SPHK1: variants seen among roughly 807,000 people sequenced by gnomAD.
SPHK1 encodes sphingosine kinase 1, also known as SK 1.
In SPHK1, 10 loss-of-function variants were observed where a neutral mutation model predicts 14.6. That is an observed-to-expected ratio of 0.68 (90% CI 0.42 to 1.16). SPHK1 has a LOEUF of 1.16. SPHK1 is among the 50% of genes most tolerant of loss of function. The probability of loss-of-function intolerance (pLI) is 0.00; values close to 1 mark genes in which losing one functional copy is unlikely to be tolerated. For missense variants in SPHK1, 553 were observed against 525.4 expected (o/e 1.05, Z -0.51); for synonymous variants, 274 against 224.0 (o/e 1.22, Z -1.99).
rs776802126 is a variant in SPHK1 at position 76,385,415 on chromosome 17, C to T, written c.-194-36C>T. The T allele has an allele frequency of 6.7e-7, 1 of 1,486,452 alleles. No individual in the cohort carries two copies. The highest frequency in any genetic ancestry group is 8.9e-7 in the Non-Finnish European group (1 of 1,121,938). The allele number at this position is 1,486,452 out of a possible 1,614,324, so 92.1% of individuals were successfully genotyped here. ...CGCTCCCCACCTCTGGCAGCTGCGG[C>T]CCCGGACTCCGCCAGCGCTGTCTTC... On this transcript the variant is annotated intron_variant, in intron 1 of 5. Transcript: ENST00000592299. This position sits in a 1 kb window ranked among gnomAD's most constrained non-coding sequence, Gnocchi z 5.3.
chr17:76,385,481 C>G lies in SPHK1; in HGVS notation c.-164C>G, dbSNP rs201987985. Reference sequence around the variant, plus strand: ...GCCGCCGCAGGGAATGACGCCGGTGCTCCTGCAGCCACGGCTCCGGGCGGG... The same window carrying G: ...GCCGCCGCAGGGAATGACGCCGGTGGTCCTGCAGCCACGGCTCCGGGCGGG... On this transcript the variant is annotated 5_prime_UTR_variant, in exon 2 of 6. Transcript: ENST00000592299. The surrounding 1 kb of genome is among the most constrained non-coding windows in gnomAD (Gnocchi z 5.3). 1.9e-6 allele frequency: 3 copies of G among 1,560,368 alleles called. No individual in the cohort carries two copies. Among genetic ancestry groups the G allele is most frequent in the Non-Finnish European group, 2.6e-6 (3 of 1,161,058 alleles).
In SPHK1 at chr17:76,387,130, G is replaced by A. The variant is rs971298908; in HGVS notation, c.699G>A (p.Pro233=). Residue 233 remains proline, a synonymous_variant, in exon 6 of 6, where the codon CCG becomes CCA. Transcript: ENST00000592299. The surrounding 1 kb of genome is among the most constrained non-coding windows in gnomAD (Gnocchi z 4.1). ...CCCCCGTTGTGGTCCAGCAGGGCCC[G>A]GTAGATGCACACCTTGTGCCACTGG... ...PASPVVVQQG[P]VDAHLVPLEE... is the part of the protein sequence containing the mutation. The A allele has an allele frequency of 2.1e-5, 34 of 1,613,036 alleles. No individual in the cohort carries two copies. The highest frequency in any genetic ancestry group is 2.7e-5 in the Non-Finnish European group (32 of 1,180,020).
At position 76,385,320 on chromosome 17, in the gene SPHK1, C is replaced by T. The variant is rs1372122740; in HGVS notation, c.-194-131C>T. The T allele has an allele frequency of 1.4e-6, 2 of 1,454,140 alleles. No individual in the cohort carries two copies. The highest frequency in any genetic ancestry group is 1.8e-6 in the Non-Finnish European group (2 of 1,104,374). The allele number at this position is 1,454,140 out of a possible 1,614,324, so 90.1% of individuals were successfully genotyped here. ...CACACGGCGGGGGCGCCCTCGGAGG[C>T]ACCGGACCTCAGCTCTCTGGACTTC... On this transcript the variant is annotated intron_variant, in intron 1 of 5. Transcript: ENST00000592299. This position sits in a 1 kb window ranked among gnomAD's most constrained non-coding sequence, Gnocchi z 5.3.
In SPHK1 at chr17:76,387,349, GGA is replaced by G; in HGVS notation, c.921_922del (p.Lys308GlyfsTer7). On this transcript the variant is annotated frameshift_variant, in exon 6 of 6. Coordinates refer to ENST00000592299, the MANE Select transcript of SPHK1 (RefSeq NM_001142601.2). LOFTEE classifies it low-confidence loss of function (END_TRUNC). The surrounding 1 kb of genome is among the most constrained non-coding windows in gnomAD (Gnocchi z 4.1). The part of the protein sequence containing the change: ...AMLLRLFLAM[E>X]KGRHMEYECP... ...TGCTGCTGCGCCTCTTCCTGGCCAT[GGA>G]GAAGGGCAGGCATATGGAGTATGAA... 1.2e-6 allele frequency: 2 copies of G among 1,613,890 alleles called. No homozygotes were observed. The highest frequency in any genetic ancestry group is 1.7e-6 in the Non-Finnish European group (2 of 1,180,024).
chr17:76,384,015 T>G, upstream of SPHK1: 1 of 461,226 alleles, frequency 2.2e-6, no homozygotes, highest in Non-Finnish European at 3.3e-6. Context: ...AAAAATAACC[T>G]CCGTGGGAGC....
upstream of SPHK1, chr17:76,384,412 G>A (rs1238270985): frequency 6.6e-6 from 1 of 150,526 alleles, no homozygotes; most frequent in African/African-American, 2.4e-5. Context: ...CTTCTAGCCA[G>A]ACGCCTAGGA....
In SPHK1 at chr17:76,385,882, C is replaced by G; in HGVS notation, c.11-103C>G. On this transcript the variant is annotated intron_variant, in intron 2 of 5. Transcript: ENST00000592299. This position sits in a 1 kb window ranked among gnomAD's most constrained non-coding sequence, Gnocchi z 5.3. ...CGCTCCTCTGGCCAGGGTCAATTAC[C>G]GGGGTGTTTCGGGCACCAAGTTCCC... 1 of 1,489,066 alleles carries G rather than the reference C, an allele frequency of 6.7e-7. No homozygotes were observed. Among genetic ancestry groups the G allele is most frequent in the Non-Finnish European group, 9.0e-7 (1 of 1,114,536 alleles). 92.2% of individuals were successfully genotyped at this position (1,489,066 alleles called of 1,614,324 possible). A position where few individuals can be genotyped will look rare whatever the true frequency, so the allele number is the denominator to read the frequency against.
In SPHK1 at chr17:76,385,040, G is replaced by C; in HGVS notation, c.-195+234G>C. 1.3e-6 allele frequency: 2 copies of C among 1,523,748 alleles called. No homozygotes were observed. The highest frequency in any genetic ancestry group is 1.8e-6 in the Non-Finnish European group (2 of 1,130,380). The allele number at this position is 1,523,748 out of a possible 1,614,324, so 94.4% of individuals were successfully genotyped here. A position where few individuals can be genotyped will look rare whatever the true frequency, so the allele number is the denominator to read the frequency against. ...GCGGCTCCCACCGCTCTGGAGCTCC[G>C]GGCAGGGGACACGGCAACCTGGATG... On this transcript the variant is annotated intron_variant, in intron 1 of 5. Transcript: ENST00000592299. This position sits in a 1 kb window ranked among gnomAD's most constrained non-coding sequence, Gnocchi z 5.3.
In SPHK1 at chr17:76,387,303, G is replaced by A. The variant is rs200406718; in HGVS notation, c.872G>A (p.Arg291Gln). 5.4e-5 allele frequency: 87 copies of A among 1,613,476 alleles called. No individual in the cohort carries two copies. The highest frequency in any genetic ancestry group is 6.9e-5 in the Non-Finnish European group (81 of 1,179,982). ...GGCGTCATGCATCTGTTCTACGTGCGGGCGGGAGTGTCTCGTGCCATGCTG... is the reference window on the plus strand; with the variant it reads ...GGCGTCATGCATCTGTTCTACGTGCAGGCGGGAGTGTCTCGTGCCATGCTG... ...AAGVMHLFYV[R>Q]AGVSRAMLLR... is the part of the protein sequence containing the mutation. Residue 291 changes from arginine (R) to glutamine (Q), a missense_variant, in exon 6 of 6, where the codon CGG becomes CAG. By Grantham distance (43) the Arg-to-Gln change is conservative (BLOSUM62 1). Coordinates refer to ENST00000592299, the MANE Select transcript of SPHK1 (RefSeq NM_001142601.2). This position sits in a 1 kb window ranked among gnomAD's most constrained non-coding sequence, Gnocchi z 4.1.
At chr17:76,383,763 G>T, upstream of SPHK1, 1 of 1,085,148 alleles carries the variant, frequency 9.2e-7, no homozygotes, top group Non-Finnish European at 1.2e-6. Flanking sequence ...CGTCCCTACT[G>T]GCCTCCAAAG....
At chr17:76,387,850 TTCCCAGCCTGCTC>T in exon 6 of SPHK1, 1 of 434,510 alleles carries the variant, frequency 2.3e-6, no homozygotes, top group Non-Finnish European at 4.1e-6. The surrounding 1 kb of genome is among the most constrained non-coding windows in gnomAD (Gnocchi z 4.1). Context: ...TAAAGTGACA[TTCCCAGCCTGCTC>T]GTCCTGTCCT....
Position 76,387,039 on chromosome 17 carries a change from T to C in SPHK1, c.608T>C (p.Leu203Pro). ...GGCACCTTCCTGCGTCTGGCAGCCC[T>C]GCGCACCTACCGCGGCCGACTGGCC... ...TLGTFLRLAA[L>P]RTYRGRLAYL... The change falls in exon 6 of 6, where the codon CTG becomes CCG. Residue 203 changes from leucine (L) to proline (P), a missense_variant. Coordinates refer to ENST00000592299, the MANE Select transcript of SPHK1 (RefSeq NM_001142601.2). This position sits in a 1 kb window ranked among gnomAD's most constrained non-coding sequence, Gnocchi z 4.1. 2.5e-6 allele frequency: 4 copies of C among 1,613,618 alleles called. No homozygotes were observed. The highest frequency in any genetic ancestry group is 3.4e-6 in the Non-Finnish European group (4 of 1,180,028).
upstream of SPHK1, chr17:76,383,974 C>G: frequency 1.2e-6 from 1 of 838,370 alleles, no homozygotes; most frequent in Non-Finnish European, 1.5e-6. Flanking sequence ...CGGCCTCAGG[C>G]TCGGTAGCCC....
In SPHK1 at chr17:76,387,132, T is replaced by C. The variant is rs775476647; in HGVS notation, c.701T>C (p.Val234Ala). The C allele has an allele frequency of 6.2e-7, 1 of 1,613,168 alleles. No homozygotes were observed. The stretch of plus-strand genomic sequence containing the variant: ...CCCGTTGTGGTCCAGCAGGGCCCGG[T>C]AGATGCACACCTTGTGCCACTGGAG... Reference protein sequence around the residue: ...ASPVVVQQGPVDAHLVPLEEP... With the variant: ...ASPVVVQQGPADAHLVPLEEP... The change falls in exon 6 of 6, where the codon GTA (valine) becomes GCA (alanine). Residue 234 changes from valine to alanine, a missense_variant. Transcript: ENST00000592299. The surrounding 1 kb of genome is among the most constrained non-coding windows in gnomAD (Gnocchi z 4.1).
At position 76,387,281 on chromosome 17, in the gene SPHK1, G is replaced by A. The variant is rs372227016; in HGVS notation, c.850G>A (p.Val284Ile). Reference sequence around the variant, plus strand: ...ACCCATGGGCCGCTGTGCAGCTGGCGTCATGCATCTGTTCTACGTGCGGGC... The same window carrying A: ...ACCCATGGGCCGCTGTGCAGCTGGCATCATGCATCTGTTCTACGTGCGGGC... The part of the protein sequence containing the change: ...AAPMGRCAAG[V>I]MHLFYVRAGV... The change falls in exon 6 of 6, where the codon GTC (valine) becomes ATC (isoleucine). Residue 284 changes from valine (V) to isoleucine (I), a missense_variant. By Grantham distance (29) the Val-to-Ile change is conservative. Coordinates refer to ENST00000592299, the MANE Select transcript of SPHK1 (RefSeq NM_001142601.2). The surrounding 1 kb of genome is among the most constrained non-coding windows in gnomAD (Gnocchi z 4.1). The A allele has an allele frequency of 1.1e-5, 18 of 1,613,382 alleles. No individual in the cohort carries two copies. Among genetic ancestry groups the A allele is most frequent in the South Asian group, 3.3e-5 (3 of 91,080 alleles).
chr17:76,387,352 G>A lies in SPHK1; in HGVS notation c.921G>A (p.Glu307=), dbSNP rs764087649. 3.1e-6 allele frequency: 5 copies of A among 1,613,900 alleles called. No homozygotes were observed. The highest frequency in any genetic ancestry group is 4.2e-6 in the Non-Finnish European group (5 of 1,180,020). The stretch of plus-strand genomic sequence containing the variant: ...TGCTGCGCCTCTTCCTGGCCATGGA[G>A]AAGGGCAGGCATATGGAGTATGAAT... The part of the protein sequence containing the change: ...AMLLRLFLAM[E]KGRHMEYECP... Residue 307 remains glutamate, a synonymous_variant, in exon 6 of 6, where the codon GAG becomes GAA. Coordinates refer to ENST00000592299, the MANE Select transcript of SPHK1 (RefSeq NM_001142601.2). The surrounding 1 kb of genome is among the most constrained non-coding windows in gnomAD (Gnocchi z 4.1).
At position 76,385,568 on chromosome 17, in the gene SPHK1, AG is replaced by A; in HGVS notation, c.-75del. On this transcript the variant is annotated 5_prime_UTR_variant, in exon 2 of 6. Transcript: ENST00000592299. This position sits in a 1 kb window ranked among gnomAD's most constrained non-coding sequence, Gnocchi z 5.3. ...CTGGGCAGCACCGATAAGGAGCTGAAGGCAGGAGCCGCCGCCACGGGCAGCG... is the reference window on the plus strand; with the variant it reads ...CTGGGCAGCACCGATAAGGAGCTGAAGCAGGAGCCGCCGCCACGGGCAGCG... The A allele has an allele frequency of 6.5e-7, 1 of 1,539,796 alleles. No homozygotes were observed. Among genetic ancestry groups the A allele is most frequent in the Non-Finnish European group, 8.7e-7 (1 of 1,149,180 alleles).
upstream of SPHK1, chr17:76,383,960 T>G: frequency 2.8e-4 from 273 of 960,250 alleles, no homozygotes; most frequent in Non-Finnish European, 3.3e-4. Context: ...GACAGCGCGC[T>G]AGGCGGCCTC....
rs776421481 is a variant in SPHK1 at position 76,386,972 on chromosome 17, A to T, written c.541A>T (p.Ser181Cys). 1.9e-6 allele frequency: 3 copies of T among 1,613,402 alleles called. No individual in the cohort carries two copies. The South Asian group carries it at 3.3e-5, about 18-fold the overall frequency. Residue 181 changes from serine to cysteine, a missense_variant, in exon 6 of 6, where the codon AGT becomes TGT. Ser to Cys is a moderately radical substitution (Grantham distance 112, BLOSUM62 -1). Coordinates refer to ENST00000592299, the MANE Select transcript of SPHK1 (RefSeq NM_001142601.2). The surrounding 1 kb of genome is among the most constrained non-coding windows in gnomAD (Gnocchi z 5.3). ...WGFIADVDLE[S>C]EKYRRLGEMR... ...CTTCATTGCTGATGTGGACCTAGAG[A>T]GTGAGAAGTATCGGCGTCTGGGGGA...
Sources: gnomAD v4.1 joint callset for allele counts on GRCh38, gnomAD v4.1.1 for gene constraint, Gnocchi (gnomAD v3.1) non-coding constraint, MANE v1.5 for transcripts, NCBI Gene and HGNC (gene_info 2026-07-23, HGNC 2026-07-21) for gene names.